Variants in ETV6 observed in about 807,000 individuals in gnomAD.
The protein encoded by ETV6 is transcription factor ETV6.
Under a neutral mutation model 51.1 loss-of-function variants are expected in ETV6, and 16 were observed. The observed-to-expected ratio is 0.31, with a 90% confidence interval of 0.21 to 0.48. ETV6 has a LOEUF of 0.48. Among genes scored for constraint, ETV6 ranks in the 20% least tolerant of loss-of-function variants. The pLI is 0.99. For synonymous variants in ETV6, 240 were observed against 224.1 expected, an observed-to-expected ratio of 1.07 and a Z score of -0.64; for missense variants, 458 against 594.8, an observed-to-expected ratio of 0.77 and a Z score of 2.39.
At chr12:11,686,836 C>G (rs758233882) in intron 1 of ETV6, among the ~76,000 whole-genome samples, 4 of 152,094 alleles carry the variant, frequency 2.6e-5, no homozygotes, top group Non-Finnish European at 5.9e-5. Flanking sequence ...ACTTTCAATG[C>G]TCTGTTGTAG....
At chr12:11,796,885 C>T (rs1192781809) in intron 2 of ETV6, among the ~76,000 whole-genome samples, 1 of 151,868 alleles carries the variant, frequency 6.6e-6, no homozygotes, top group Non-Finnish European at 1.5e-5. Context: ...CTCCTGGGCT[C>T]AAGCAATCCT....
chr12:11,852,084 A>C lies in ETV6; in HGVS notation c.329-1343A>C, dbSNP rs992398982. Among the ~76,000 whole-genome samples, 6 of 152,136 alleles carry C rather than the reference A, an allele frequency of 3.9e-5. No homozygotes were observed. In the East Asian group the frequency reaches 1.2e-3, roughly 29 times the overall value. Reference sequence around the variant, plus strand: ...TGTGTGTGGAGAAGGGTGTGAGGAGACAGTCACAGGCCTGTGATATTGTAA... The same window carrying C: ...TGTGTGTGGAGAAGGGTGTGAGGAGCCAGTCACAGGCCTGTGATATTGTAA... On this transcript the variant is annotated intron_variant, in intron 3 of 7. Transcript: ENST00000396373.
chr12:11,786,565 T>C (rs567133047), intron 2 of ETV6, among the ~76,000 whole-genome samples: 2 of 152,330 alleles, frequency 1.3e-5, no homozygotes, highest in Admixed American at 1.3e-4. Flanking sequence ...CTTTTATTTT[T>C]AATGTGCGGG....
At chr12:11,772,337 C>T (rs556369738) in intron 2 of ETV6, among the ~76,000 whole-genome samples, 4 of 152,184 alleles carry the variant, frequency 2.6e-5, no homozygotes, top group African/African-American at 9.7e-5. Context: ...TGATATAGTT[C>T]GGTAATTTCA....
At chr12:11,785,989 T>C (rs1025576925) in intron 2 of ETV6, among the ~76,000 whole-genome samples, 1 of 152,172 alleles carries the variant, frequency 6.6e-6, no homozygotes, top group African/African-American at 2.4e-5. Flanking sequence ...GCAGGTTTGA[T>C]TGCATAATTT....
At chr12:11,746,532 T>G (rs1865911924) in intron 1 of ETV6, among the ~76,000 whole-genome samples, 1 of 152,220 alleles carries the variant, frequency 6.6e-6, no homozygotes, top group Non-Finnish European at 1.5e-5. Flanking sequence ...ACACGTGTTC[T>G]GAGAGGTGTT....
chr12:11,732,151 G>A (rs1865611504), intron 1 of ETV6, among the ~76,000 whole-genome samples: 1 of 152,184 alleles, frequency 6.6e-6, no homozygotes, highest in Non-Finnish European at 1.5e-5. Flanking sequence ...AGCATCACCT[G>A]GTAGAAGACA....
intron 2 of ETV6, among the ~76,000 whole-genome samples, chr12:11,762,354 G>A (rs987647705): frequency 6.6e-6 from 1 of 152,190 alleles, no homozygotes; most frequent in Non-Finnish European, 1.5e-5. Context: ...TGTGTGATTA[G>A]CGGCAATCCC....
intron 3 of ETV6, among the ~76,000 whole-genome samples, chr12:11,848,778 C>T (rs759444578): frequency 7.9e-5 from 12 of 152,216 alleles, no homozygotes; most frequent in African/African-American, 2.2e-4. Context: ...AGCCTCTGCA[C>T]ATGCGTGTGT....
In ETV6 at chr12:11,873,657, A is replaced by G. The variant is rs1196661571; in HGVS notation, c.1009+3688A>G. Reference sequence around the variant, plus strand: ...GAAGCTAAATTCTTACTATTCAGATATGATTTGTTCAGGTGCCCTAGAATT... The same window carrying G: ...GAAGCTAAATTCTTACTATTCAGATGTGATTTGTTCAGGTGCCCTAGAATT... On this transcript the variant is annotated intron_variant, in intron 5 of 7. Transcript: ENST00000396373. Among the ~76,000 whole-genome samples, 2 of 112,918 alleles carry G rather than the reference A, an allele frequency of 1.8e-5. 1 individual carries two copies. The allele number at this position is 112,918 out of a possible 152,430, so 74.1% of individuals were successfully genotyped here.
At chr12:11,840,335 A>G in intron 3 of ETV6, 1 of 437,102 alleles carries the variant, frequency 2.3e-6, no homozygotes, top group Non-Finnish European at 4.6e-6. Context: ...AACCCTGTGG[A>G]TATTTAGAAG....
intron 1 of ETV6, among the ~76,000 whole-genome samples, chr12:11,692,333 AC>A (rs2120800375): frequency 6.6e-6 from 1 of 152,192 alleles, no homozygotes; most frequent in Admixed American, 6.5e-5. Context: ...GGGCCCCTTG[AC>A]CTTGGACTCC....
chr12:11,842,143 A>G (rs1306871260), intron 3 of ETV6, among the ~76,000 whole-genome samples: 1 of 151,844 alleles, frequency 6.6e-6, no homozygotes, highest in Non-Finnish European at 1.5e-5. Context: ...AGAGGAATTC[A>G]GAGACAAGAC....
At chr12:11,721,722 A>T (rs531218858) in intron 1 of ETV6, among the ~76,000 whole-genome samples, 2 of 152,222 alleles carry the variant, frequency 1.3e-5, no homozygotes, top group Non-Finnish European at 2.9e-5. Flanking sequence ...AATATTTCCT[A>T]AATTGTTCTA....
chr12:11,696,824 AT>A (rs1277466172), intron 1 of ETV6, among the ~76,000 whole-genome samples: 1 of 152,198 alleles, frequency 6.6e-6, no homozygotes, highest in African/African-American at 2.4e-5. Flanking sequence ...TCTCAAAAAA[AT>A]AATAATAAAA....
chr12:11,736,078 G>T (rs1865698615), intron 1 of ETV6, among the ~76,000 whole-genome samples: 1 of 152,192 alleles, frequency 6.6e-6, no homozygotes, highest in Non-Finnish European at 1.5e-5. Context: ...TTTCCCTTAA[G>T]TAAGTTTTTT....
intron 4 of ETV6, among the ~76,000 whole-genome samples, chr12:11,863,744 G>T (rs950367519): frequency 5.3e-5 from 8 of 152,194 alleles, no homozygotes; most frequent in African/African-American, 1.4e-4. Context: ...CTGCCTGCCG[G>T]CTCTGGTCTC....
chr12:11,810,893 T>G (rs935450605), intron 2 of ETV6, among the ~76,000 whole-genome samples: 2 of 152,192 alleles, frequency 1.3e-5, no homozygotes, highest in African/African-American at 4.8e-5. Flanking sequence ...GCCACCCACC[T>G]TCCCTTGGAT....
intron 2 of ETV6, among the ~76,000 whole-genome samples, chr12:11,831,084 C>T (rs1461550824): frequency 6.6e-6 from 1 of 152,120 alleles, no homozygotes; most frequent in Non-Finnish European, 1.5e-5. Context: ...CCTGACTTAT[C>T]AACTGCATAT....
Sources: allele counts gnomAD v4.1 joint callset (sites outside exome capture counted in the v4.1 genomes callset), GRCh38; gene constraint gnomAD v4.1.1; transcripts MANE v1.5; gene names NCBI Gene and HGNC (gene_info 2026-07-23, HGNC 2026-07-21).